IL6ST: variants seen among roughly 807,000 people sequenced by gnomAD.
IL6ST encodes the protein interleukin 6 cytokine family signal transducer.
A neutral mutation model predicts 91.3 loss-of-function variants in IL6ST; 24 were observed. The ratio of observed to expected loss-of-function variants is 0.26; its 90% CI spans 0.19 to 0.37. IL6ST has a LOEUF of 0.37. Among genes scored for constraint, IL6ST ranks in the 10% least tolerant of loss-of-function variants. The pLI, the probability that IL6ST is intolerant of heterozygous loss-of-function variation, is 1.00. For synonymous variants in IL6ST, 351 were observed against 373.6 expected, an observed-to-expected ratio of 0.94 and a Z score of 0.70; for missense variants, 914 against 1,078.5, an observed-to-expected ratio of 0.85 and a Z score of 2.14.
Position 55,941,748 on chromosome 5 carries a change from T to A in IL6ST, c.2091A>T (p.Glu697Asp). The change falls in exon 17 of 17, where the codon GAA becomes GAT. Residue 697 changes from glutamate (E) to aspartate (D), a missense_variant. Transcript: ENST00000381298. The part of the protein sequence containing the change: ...NFTDVSVVEI[E>D]ANDKKPFPED... ...CTGGAAAAGGCTTTTTGTCATTTGCTTCTATTTCCACAACACTTACATCAG... is the reference window on the plus strand; with the variant it reads ...CTGGAAAAGGCTTTTTGTCATTTGCATCTATTTCCACAACACTTACATCAG... 1 of 1,614,012 alleles carries A rather than the reference T, an allele frequency of 6.2e-7. No homozygotes were observed. The highest frequency in any genetic ancestry group is 1.3e-5 in the African/African-American group (1 of 75,048).
chr5:55,959,562 G>T, intron 8 of IL6ST: 2 of 756,480 alleles, frequency 2.6e-6, no homozygotes, highest in South Asian at 1.6e-5. Flanking sequence ...CACTCTTTTT[G>T]TGCCTTTTTT....
rs1750564132 is a variant in IL6ST, at chr5:55,936,882, GAAGA to G, written c.*4196_*4199del. On this transcript the variant is annotated 3_prime_UTR_variant, in exon 17 of 17. Coordinates refer to ENST00000381298, the MANE Select transcript of IL6ST (RefSeq NM_002184.4). ...AGTGAACATGAAAGGATTGCACTTA[GAAGA>G]AAGTGGGACATAGCTAGGATATAAA... The G allele has an allele frequency of 5.0e-6, 1 of 198,140 alleles. No homozygotes were observed. Among genetic ancestry groups the G allele is most frequent in the Non-Finnish European group, 1.0e-5 (1 of 95,638 alleles). 12.3% of individuals were successfully genotyped at this position (198,140 alleles called of 1,614,324 possible).
intron 2 of IL6ST, among the ~76,000 whole-genome samples, chr5:55,981,877 T>C (rs2111895618): frequency 6.6e-6 from 1 of 152,176 alleles, no homozygotes; most frequent in East Asian, 1.9e-4. Flanking sequence ...CTAGTAACCA[T>C]AAATACAGGA....
intron 8 of IL6ST, among the ~76,000 whole-genome samples, chr5:55,959,863 G>A (rs1032994492): frequency 6.6e-6 from 1 of 151,902 alleles, no homozygotes; most frequent in African/African-American, 2.4e-5. Context: ...TCTGATAGAT[G>A]TATCTAAGTC....
In IL6ST at chr5:55,939,681, T is replaced by C. The variant is rs1458153608; in HGVS notation, c.*1401A>G. The C allele has an allele frequency of 9.7e-6, 2 of 206,600 alleles. No individual in the cohort carries two copies. The highest frequency in any genetic ancestry group is 2.0e-5 in the Non-Finnish European group (2 of 101,030). 12.8% of individuals were successfully genotyped at this position (206,600 alleles called of 1,614,324 possible). On this transcript the variant is annotated 3_prime_UTR_variant, in exon 17 of 17. Coordinates refer to ENST00000381298, the MANE Select transcript of IL6ST (RefSeq NM_002184.4). Reference sequence around the variant, plus strand: ...CTTACTTTCTAAGAAAACCCCTATATTTAGCATCTGCTTCCATATCGCACG... The same window carrying C: ...CTTACTTTCTAAGAAAACCCCTATACTTAGCATCTGCTTCCATATCGCACG...
At chr5:55,975,525 C>T (rs1753236508) in intron 3 of IL6ST, among the ~76,000 whole-genome samples, 1 of 152,008 alleles carries the variant, frequency 6.6e-6, no homozygotes, top group Non-Finnish European at 1.5e-5. Context: ...TGAGAATGGA[C>T]TAATACTTGG....
intron 15 of IL6ST, among the ~76,000 whole-genome samples, chr5:55,945,270 A>G (rs79822345): frequency 3.1e-3 from 470 of 152,326 alleles, no homozygotes; most frequent in Non-Finnish European, 4.9e-3. Flanking sequence ...ATACTCATCA[A>G]GGCAATGTGG....
intron 1 of IL6ST, among the ~76,000 whole-genome samples, chr5:55,988,849 G>A (rs775563107): frequency 4.6e-5 from 7 of 151,286 alleles, no homozygotes; most frequent in Non-Finnish European, 7.4e-5. Context: ...AGTGGCTCAC[G>A]GCTGTAATCC....
chr5:55,986,320 T>C (rs1288931345), intron 1 of IL6ST, among the ~76,000 whole-genome samples: 1 of 152,246 alleles, frequency 6.6e-6, no homozygotes, highest in Non-Finnish European at 1.5e-5. Flanking sequence ...GACCCTTTTA[T>C]CATTAGGAAA....
intron 3 of IL6ST, among the ~76,000 whole-genome samples, chr5:55,973,885 T>G (rs1170737295): frequency 1.3e-5 from 2 of 152,170 alleles, no homozygotes; most frequent in Non-Finnish European, 2.9e-5. Context: ...CTGCCAACAC[T>G]TCGGATGAAA....
At position 55,956,086 on chromosome 5, in the gene IL6ST, T is replaced by C. The variant is rs746348540; in HGVS notation, c.1206A>G (p.Val402=). The change falls in exon 10 of 17, where the codon GTA becomes GTG. Residue 402 remains valine, a synonymous_variant. Transcript: ENST00000381298. The part of the protein sequence containing the change: ...TNDRYLATLT[V]RNLVGKSDAA... Reference sequence around the variant, plus strand: ...CATCTGATTTGCCAACAAGATTTCTTACTGTTAGGGTTGCTAGATAGCGAT... The same window carrying C: ...CATCTGATTTGCCAACAAGATTTCTCACTGTTAGGGTTGCTAGATAGCGAT... 4 of 1,613,794 alleles carry C rather than the reference T, an allele frequency of 2.5e-6. No homozygotes were observed. The highest frequency in any genetic ancestry group is 2.2e-5 in the East Asian group (1 of 44,868).
chr5:55,949,670 A>G (rs940110931), intron 14 of IL6ST, among the ~76,000 whole-genome samples: 3 of 152,158 alleles, frequency 2.0e-5, no homozygotes, highest in Non-Finnish European at 4.4e-5. Flanking sequence ...CTATTAACAT[A>G]CCACCACATG....
In IL6ST at chr5:55,938,708, T is replaced by TA. The variant is rs1750687731; in HGVS notation, c.*2373dup. 5.0e-6 allele frequency: 1 copy of TA among 199,248 alleles called. No individual in the cohort carries two copies. The highest frequency in any genetic ancestry group is 2.3e-5 in the African/African-American group (1 of 43,600). The allele number at this position is 199,248 out of a possible 1,614,324, so 12.3% of individuals were successfully genotyped here. ...AGTACAATTTACATGCATCAACACA[T>TA]AGATTATTCTAAGACATGCTTGGGA... On this transcript the variant is annotated 3_prime_UTR_variant, in exon 17 of 17. Transcript: ENST00000381298.
chr5:55,961,972 A>C (rs1378672466), intron 7 of IL6ST, among the ~76,000 whole-genome samples: 1 of 152,214 alleles, frequency 6.6e-6, no homozygotes, highest in African/African-American at 2.4e-5. Context: ...GTGGACAGGC[A>C]AAAGGAAGAT....
At chr5:55,967,878 CCT>C (rs1266426558) in intron 5 of IL6ST, among the ~76,000 whole-genome samples, 3 of 152,044 alleles carry the variant, frequency 2.0e-5, no homozygotes, top group Non-Finnish European at 4.4e-5. Flanking sequence ...CTCACTGCAA[CCT>C]CCGCCTCCTG....
chr5:55,935,349 G>C lies in IL6ST; in HGVS notation c.*5733C>G. The C allele has an allele frequency of 5.0e-6, 1 of 200,114 alleles. No individual in the cohort carries two copies. Among genetic ancestry groups the C allele is most frequent in the Non-Finnish European group, 1.0e-5 (1 of 96,958 alleles). The allele number at this position is 200,114 out of a possible 1,614,324, so 12.4% of individuals were successfully genotyped here. On this transcript the variant is annotated 3_prime_UTR_variant, in exon 17 of 17. Coordinates refer to ENST00000381298, the MANE Select transcript of IL6ST (RefSeq NM_002184.4). ...AAGAATCAGGTTTGAATGTCCACAG[G>C]TTTCTAAAACTAAGCTCTGGCTTCG... is the stretch of plus-strand genomic sequence containing the variant.
intron 2 of IL6ST, among the ~76,000 whole-genome samples, chr5:55,978,014 T>C (rs13170520): frequency 0.088 from 13,437 of 151,910 alleles, 676 homozygotes; most frequent in Middle Eastern, 0.14. Flanking sequence ...AAAAAAAGAC[T>C]ACATTTGTCA....
chr5:55,937,442 G>A lies in IL6ST; in HGVS notation c.*3640C>T, dbSNP rs551385430. On this transcript the variant is annotated 3_prime_UTR_variant, in exon 17 of 17. Transcript: ENST00000381298. ...AATAGGTTAATGCAAAAGATAATAC[G>A]CTTGGCTTTGTAAAGTTTTGTTTTG... The A allele has an allele frequency of 2.4e-5, 5 of 211,274 alleles. No individual in the cohort carries two copies. Among genetic ancestry groups the A allele is most frequent in the Admixed American group, 1.8e-4 (3 of 17,036 alleles). 13.1% of individuals were successfully genotyped at this position (211,274 alleles called of 1,614,324 possible).
chr5:55,988,608 A>G (rs1754128118), intron 1 of IL6ST, among the ~76,000 whole-genome samples: 1 of 151,926 alleles, frequency 6.6e-6, no homozygotes, highest in Admixed American at 6.6e-5. Context: ...CTCTAATAAC[A>G]ATACAAAATT....
Sources: allele counts gnomAD v4.1 joint callset (sites outside exome capture counted in the v4.1 genomes callset), GRCh38; gene constraint gnomAD v4.1.1; transcripts MANE v1.5; gene names NCBI Gene and HGNC (gene_info 2026-07-23, HGNC 2026-07-21).